The following PDE4A variants were observed in gnomAD, a reference collection of about 807,000 sequenced individuals.
PDE4A encodes the protein 3',5'-cyclic-AMP phosphodiesterase 4A.
PDE4A carries 21 observed loss-of-function variants against 73.9 expected under a neutral mutation model. The observed-to-expected ratio is 0.28, with a 90% CI of 0.20 to 0.41. PDE4A has a LOEUF of 0.41. PDE4A is among the 10% of genes least tolerant of loss of function. PDE4A has a pLI of 1.00. For synonymous variants in PDE4A, 463 were observed against 505.4 expected (o/e 0.92, Z 1.13); for missense variants, 958 against 1,211.4 (o/e 0.79, Z 3.10).
rs545165885 is a variant in PDE4A at position 10,453,380 on chromosome 19, C to G, written c.784-1449C>G. On this transcript the variant is annotated intron_variant, in intron 6 of 14. Coordinates refer to ENST00000380702, the MANE Select transcript of PDE4A (RefSeq NM_001111307.2). This position sits in a 1 kb window ranked among gnomAD's most constrained non-coding sequence, Gnocchi z 4.6. ...GGCGGGCATCCTGGTGAGCTGGGCC[C>G]CCGGTGTGGGCTTGTGTGTGCAGCT... is the stretch of plus-strand genomic sequence containing the variant. The G allele has an allele frequency of 6.3e-7, 1 of 1,582,298 alleles. No individual in the cohort carries two copies. The highest frequency in any genetic ancestry group is 1.4e-5 in the African/African-American group (1 of 73,966).
At chr19:10,444,724 G>A (rs539798232) in intron 1 of PDE4A, among the ~76,000 whole-genome samples, 22 of 150,130 alleles carry the variant, frequency 1.5e-4, no homozygotes, top group East Asian at 4.0e-4. Context: ...AGACTGGAGC[G>A]CAGTGGCAAG....
intron 1 of PDE4A, chr19:10,428,905 C>T (rs2042751540): frequency 1.0e-6 from 1 of 980,572 alleles, no homozygotes; most frequent in South Asian, 4.7e-5. Flanking sequence ...AATTCGAGAC[C>T]AACCTGGCCA....
At chr19:10,459,817 C>T in intron 10 of PDE4A, 58 bp downstream of exon 10, 1 of 1,539,390 alleles carries the variant, frequency 6.5e-7, no homozygotes, top group South Asian at 1.2e-5. Context: ...GCCTCTTCAG[C>T]CTCCTGTGTG....
At chr19:10,451,056 A>T in intron 6 of PDE4A, 115 bp downstream of exon 6, 1 of 1,024,092 alleles carries the variant, frequency 9.8e-7, no homozygotes, top group Non-Finnish European at 1.4e-6. Flanking sequence ...GCCAGCCATT[A>T]GGTTGTTCCT....
rs1429873106 is a variant in PDE4A, at chr19:10,458,880, A to G, written c.1102-520A>G. ...GTGATCCACCCGCCTTAGCCTCACA[A>G]AGTGCTGGGATTGCAGGCGTGAGCC... On this transcript the variant is annotated intron_variant, in intron 8 of 14. Coordinates refer to ENST00000380702, the MANE Select transcript of PDE4A (RefSeq NM_001111307.2). The surrounding 1 kb of genome is among the most constrained non-coding windows in gnomAD (Gnocchi z 4.6). 2 of 156,116 alleles carry G rather than the reference A, an allele frequency of 1.3e-5. No homozygotes were observed. The highest frequency in any genetic ancestry group is 4.8e-5 in the African/African-American group (2 of 41,500). The allele number at this position is 156,116 out of a possible 1,614,324, so 9.7% of individuals were successfully genotyped here. A position where few individuals can be genotyped will look rare whatever the true frequency, so the allele number is the denominator to read the frequency against.
rs2043207353 is a variant in PDE4A at position 10,458,518 on chromosome 19, T to C, written c.1101+416T>C. Among the ~76,000 whole-genome samples, 1 of 152,190 alleles carries C rather than the reference T, an allele frequency of 6.6e-6. No individual in the cohort carries two copies. The highest frequency in any genetic ancestry group is 2.4e-5 in the African/African-American group (1 of 41,432). ...GGACAGCGGCAGTGGAAGTGATCCA[T>C]CTTTGGTGGCTCACTCAGCTGAGGC... On this transcript the variant is annotated intron_variant, in intron 8 of 14. Transcript: ENST00000380702. The surrounding 1 kb of genome is among the most constrained non-coding windows in gnomAD (Gnocchi z 4.6).
rs1327485624 is a variant in PDE4A, at chr19:10,424,823, G to C, written c.320+3739G>C. 1.3e-5 allele frequency among the ~76,000 whole-genome samples: 2 copies of C among 152,360 alleles called. No homozygotes were observed. Among genetic ancestry groups the C allele is most frequent in the South Asian group, 2.1e-4 (1 of 4,830 alleles). On this transcript the variant is annotated intron_variant, in intron 1 of 14. Coordinates refer to ENST00000380702, the MANE Select transcript of PDE4A (RefSeq NM_001111307.2). This position sits in a 1 kb window ranked among gnomAD's most constrained non-coding sequence, Gnocchi z 4.8. Reference sequence around the variant, plus strand: ...CCGTCCCGCCTCTGCGCGCTTGCCCGGCAGGCCGGTGAACCCCAGCATCCT... The same window carrying C: ...CCGTCCCGCCTCTGCGCGCTTGCCCCGCAGGCCGGTGAACCCCAGCATCCT...
At chr19:10,431,586 G>T (rs1430591831) in intron 1 of PDE4A, among the ~76,000 whole-genome samples, 4 of 152,220 alleles carry the variant, frequency 2.6e-5, no homozygotes, top group Non-Finnish European at 5.9e-5. Flanking sequence ...ATCCAGTCTG[G>T]CTTTCTAATG....
chr19:10,423,296 T>A (rs2042674738), intron 1 of PDE4A: 1 of 222,714 alleles, frequency 4.5e-6, no homozygotes, highest in Admixed American at 6.5e-5. Flanking sequence ...GTAGCTGGGA[T>A]TACAGGCGCC....
intron 5 of PDE4A, 35 bp downstream of exon 5, chr19:10,450,687 C>G (rs2043075777): frequency 6.3e-7 from 1 of 1,594,564 alleles, no homozygotes; most frequent in African/African-American, 1.3e-5. Flanking sequence ...AGGGGCCCCC[C>G]TTGCTGCCCC....
intron 1 of PDE4A, chr19:10,430,909 T>C: frequency 2.7e-6 from 4 of 1,475,824 alleles, no homozygotes; most frequent in South Asian, 2.5e-5. Context: ...CCGGTGGCGG[T>C]GGCGGCTGAG....
At chr19:10,456,575 G>T (rs1403359932) in intron 7 of PDE4A, among the ~76,000 whole-genome samples, 1 of 151,748 alleles carries the variant, frequency 6.6e-6, no homozygotes, top group African/African-American at 2.4e-5. Flanking sequence ...AAACTAGTCG[G>T]GCATGGTGGC....
At chr19:10,438,314 T>A (rs907406554) in intron 1 of PDE4A, among the ~76,000 whole-genome samples, 1 of 152,044 alleles carries the variant, frequency 6.6e-6, no homozygotes, top group Non-Finnish European at 1.5e-5. Context: ...GGTTTCATCA[T>A]GTTGGCCGGG....
rs576452595 is a variant in PDE4A at position 10,455,545 on chromosome 19, A to T, written c.877+623A>T. Among the ~76,000 whole-genome samples the T allele has an allele frequency of 2.6e-5, 4 of 152,078 alleles. No individual in the cohort carries two copies. In the South Asian group the frequency reaches 8.3e-4, roughly 32 times the overall value. ...GCTACTTGGGAGGCTGAGGCAAGAGAATCTCTTGAACTCAGGAGACAGAGG... is the reference window on the plus strand; with the variant it reads ...GCTACTTGGGAGGCTGAGGCAAGAGTATCTCTTGAACTCAGGAGACAGAGG... On this transcript the variant is annotated intron_variant, in intron 7 of 14. Transcript: ENST00000380702.
intron 1 of PDE4A, among the ~76,000 whole-genome samples, chr19:10,439,732 A>T (rs548855445): frequency 2.6e-5 from 4 of 152,172 alleles, no homozygotes; most frequent in African/African-American, 9.6e-5. Context: ...TGGAGGTAGG[A>T]GTGCCTCCTG....
intron 4 of PDE4A, 65 bp from the exon 5 acceptor site, chr19:10,450,538 G>T: frequency 6.5e-7 from 1 of 1,533,060 alleles, no homozygotes; most frequent in East Asian, 2.4e-5. Context: ...TCATGAAAGC[G>T]GGAGGCAGGG....
At chr19:10,457,301 A>G (rs2043185128) in intron 7 of PDE4A, among the ~76,000 whole-genome samples, 1 of 152,086 alleles carries the variant, frequency 6.6e-6, no homozygotes. Context: ...AATGACCCGT[A>G]TTAGGCCTTT....
intron 1 of PDE4A, among the ~76,000 whole-genome samples, chr19:10,432,136 C>G (rs2042797502): frequency 7.3e-6 from 1 of 137,254 alleles, no homozygotes; most frequent in African/African-American, 2.8e-5. Context: ...GCCGGGAAAC[C>G]GGAGCCCCGG....
chr19:10,463,395 C>CTT (rs35214617), intron 13 of PDE4A, among the ~76,000 whole-genome samples: 37 of 100,362 alleles, frequency 3.7e-4, no homozygotes, highest in Admixed American at 4.3e-4. Context: ...CAGCCCCATT[C>CTT]TTTTTTTTTT....
Sources: allele counts gnomAD v4.1 joint callset (sites outside exome capture counted in the v4.1 genomes callset), GRCh38; gene constraint gnomAD v4.1.1; non-coding constraint Gnocchi (gnomAD v3.1); transcripts MANE v1.5; gene names NCBI Gene and HGNC (gene_info 2026-07-23, HGNC 2026-07-21).